Variants in KALRN observed in about 807,000 individuals in gnomAD.
KALRN encodes kalirin RhoGEF kinase.
KALRN carries 70 observed loss-of-function variants against 353.7 expected under a neutral mutation model. The observed-to-expected ratio is 0.20, with a 90% confidence interval of 0.16 to 0.24. KALRN has a LOEUF of 0.24. Ranked by LOEUF, KALRN falls within the 10% of genes least tolerant of loss-of-function variation. The pLI, the probability that KALRN is intolerant of heterozygous loss-of-function variation, is 1.00. For missense variants in KALRN, 2,791 were observed against 3,756.7 expected (o/e 0.74, Z 6.72); for synonymous variants, 1,391 against 1,434.8 (o/e 0.97, Z 0.69).
intron 34 of KALRN, among the ~76,000 whole-genome samples, chr3:124,623,427 C>CACACACACACACACACACACA (rs139583497): frequency 2.0e-5 from 3 of 147,014 alleles, no homozygotes; most frequent in South Asian, 2.2e-4. Flanking sequence ...CACACACACA[C>CACACACACACACACACACACA]AAAAGGGAGT....
intron 1 of KALRN, among the ~76,000 whole-genome samples, chr3:124,159,536 T>C (rs1390232515): frequency 6.6e-6 from 1 of 151,456 alleles, no homozygotes; most frequent in East Asian, 1.9e-4. Context: ...CCTCCCAAAG[T>C]GCTGGGATTA....
At chr3:124,643,199 G>A (rs371706552) in intron 37 of KALRN, among the ~76,000 whole-genome samples, 7 of 152,084 alleles carry the variant, frequency 4.6e-5, no homozygotes, top group African/African-American at 1.7e-4. Flanking sequence ...GTTTTGTGGA[G>A]GCAGGGTCTG....
intron 10 of KALRN, among the ~76,000 whole-genome samples, chr3:124,355,500 G>C (rs12491126): frequency 6.6e-6 from 1 of 151,978 alleles, no homozygotes; most frequent in Non-Finnish European, 1.5e-5. Flanking sequence ...ATAGTTGAAG[G>C]CTTCCCATAG....
At chr3:124,666,761 G>A (rs1304308704) in intron 46 of KALRN, 127 bp downstream of exon 46, 6 of 799,554 alleles carry the variant, frequency 7.5e-6, no homozygotes, top group African/African-American at 1.7e-5. Context: ...AATAACATTC[G>A]GTCATGGAGG....
chr3:124,371,260 C>T (rs35359373), intron 10 of KALRN, among the ~76,000 whole-genome samples: 10,195 of 152,248 alleles, frequency 0.067, 452 homozygotes, highest in Non-Finnish European at 0.099. Context: ...TTAAGTACTA[C>T]ACATTTCCTA....
At chr3:124,236,339 G>A (rs1336798880) in intron 3 of KALRN, among the ~76,000 whole-genome samples, 1 of 152,148 alleles carries the variant, frequency 6.6e-6, no homozygotes, top group Non-Finnish European at 1.5e-5. Context: ...TGTCTCAGAG[G>A]CAAGGAGGTA....
At chr3:124,253,876 C>A (rs191790033) in intron 3 of KALRN, among the ~76,000 whole-genome samples, 1 of 152,312 alleles carries the variant, frequency 6.6e-6, no homozygotes, top group Admixed American at 6.5e-5. Flanking sequence ...ATCTTCATCC[C>A]CCTGACTGGT....
intron 3 of KALRN, among the ~76,000 whole-genome samples, chr3:124,245,674 T>C (rs1293568229): frequency 6.6e-6 from 1 of 151,568 alleles, no homozygotes; most frequent in Non-Finnish European, 1.5e-5. Context: ...TTTTTTGTCA[T>C]TGTTGTTGTT....
chr3:124,669,963 C>CTTTTTTTT (rs61190740), intron 47 of KALRN, among the ~76,000 whole-genome samples: 2 of 136,486 alleles, frequency 1.5e-5, no homozygotes, highest in Non-Finnish European at 3.2e-5. Context: ...CATATATTTT[C>CTTTTTTTT]TTTTTTTTTT....
At chr3:124,050,723 A>T (rs1190247640) in intron 1 of KALRN, among the ~76,000 whole-genome samples, 1 of 152,118 alleles carries the variant, frequency 6.6e-6, no homozygotes, top group Non-Finnish European at 1.5e-5. Context: ...CCCCTATGTC[A>T]TATCCTTAGT....
intron 1 of KALRN, among the ~76,000 whole-genome samples, chr3:124,147,657 T>C (rs910390663): frequency 2.6e-5 from 4 of 152,196 alleles, no homozygotes; most frequent in Non-Finnish European, 5.9e-5. Context: ...AATATCAGAC[T>C]AGGAAATAAT....
intron 33 of KALRN, among the ~76,000 whole-genome samples, chr3:124,532,815 A>G (rs907209823): frequency 3.3e-5 from 5 of 152,092 alleles, no homozygotes; most frequent in African/African-American, 1.2e-4. Flanking sequence ...ACAAAACAAA[A>G]GAAAAAAACT....
In KALRN at chr3:124,145,724, T is replaced by G. The variant is rs114303973; in HGVS notation, c.74-82266T>G. On this transcript the variant is annotated intron_variant, in intron 1 of 59. Coordinates refer to ENST00000682506, the MANE Select transcript of KALRN (RefSeq NM_001388419.1). The stretch of plus-strand genomic sequence containing the variant: ...GTAACCACTCCATTTCCTTAAATGT[T>G]TATCTGGTGAGCCAGAAGCCAGCTT... Among the ~76,000 whole-genome samples the G allele has an allele frequency of 3.2e-3, 494 of 152,336 alleles. 3 individuals are homozygous for G. Among genetic ancestry groups the G allele is most frequent in the African/African-American group, 0.011 (478 of 41,574 alleles).
chr3:124,700,741 G>A (rs1047990066), intron 56 of KALRN, among the ~76,000 whole-genome samples: 5 of 152,102 alleles, frequency 3.3e-5, no homozygotes, highest in Admixed American at 2.0e-4. Context: ...TGGGTGGGGG[G>A]CAGCTGACTG....
At chr3:124,592,329 AG>A (rs376581194) in intron 34 of KALRN, among the ~76,000 whole-genome samples, 98 of 145,916 alleles carry the variant, frequency 6.7e-4, no homozygotes, top group African/African-American at 2.4e-3. Context: ...AAAAAAAAAA[AG>A]AAAAAATCCT....
At chr3:124,344,180 G>A (rs1390077286) in intron 9 of KALRN, among the ~76,000 whole-genome samples, 3 of 152,210 alleles carry the variant, frequency 2.0e-5, no homozygotes, top group African/African-American at 7.2e-5. Context: ...CTTAGGTAGG[G>A]TCCAGGATTT....
At chr3:124,527,029 CA>C (rs1214494166) in intron 33 of KALRN, among the ~76,000 whole-genome samples, 1 of 152,008 alleles carries the variant, frequency 6.6e-6, no homozygotes, top group Non-Finnish European at 1.5e-5. Flanking sequence ...GAAATACAGA[CA>C]AATAAGTAAG....
intron 11 of KALRN, among the ~76,000 whole-genome samples, chr3:124,390,606 A>C (rs1299195151): frequency 6.6e-6 from 1 of 152,190 alleles, no homozygotes; most frequent in Non-Finnish European, 1.5e-5. Flanking sequence ...GTTGATGTCC[A>C]GGAAAAATTA....
At chr3:124,242,103 G>A (rs2080526545) in intron 3 of KALRN, among the ~76,000 whole-genome samples, 1 of 152,198 alleles carries the variant, frequency 6.6e-6, no homozygotes, top group South Asian at 2.1e-4. Flanking sequence ...CTTTTCAGCA[G>A]GAGAATGACA....
Sources: gnomAD v4.1 joint callset for allele counts (sites outside exome capture counted in the v4.1 genomes callset) on GRCh38, gnomAD v4.1.1 for gene constraint, MANE v1.5 for transcripts, NCBI Gene and HGNC (gene_info 2026-07-23, HGNC 2026-07-21) for gene names.